SPOCK2: variants seen among roughly 807,000 people sequenced by gnomAD.
SPOCK2 encodes testican-2.
In SPOCK2, 39 loss-of-function variants were observed where a neutral mutation model predicts 60.1. The ratio of observed to expected loss-of-function variants is 0.65; its 90% confidence interval spans 0.50 to 0.85. The LOEUF (loss-of-function observed/expected upper bound fraction) is 0.85. SPOCK2 is among the 40% of genes least tolerant of loss of function. The probability of loss-of-function intolerance (pLI) is 0.00; values close to 1 mark genes in which losing one functional copy is unlikely to be tolerated. For missense variants in SPOCK2, 523 were observed against 567.4 expected, an observed-to-expected ratio of 0.92 and a Z score of 0.80; for synonymous variants, 217 against 231.5, an observed-to-expected ratio of 0.94 and a Z score of 0.57.
In SPOCK2 at chr10:72,072,466, T is replaced by C. The variant is rs191551989; in HGVS notation, c.244+37A>G. The C allele has an allele frequency of 7.4e-6, 12 of 1,613,442 alleles. No homozygotes were observed. In the Admixed American group the frequency reaches 2.0e-4, roughly 27 times the overall value. ...CCCTCTGGTCTCAAGTCTTCACACG[T>C]GTCAGTCACCTTCCCCCGCCGGGAG... is the stretch of plus-strand genomic sequence containing the variant. On this transcript the variant is annotated intron_variant, in intron 3 of 10. Coordinates refer to ENST00000373109, the MANE Select transcript of SPOCK2 (RefSeq NM_001244950.2).
chr10:72,086,922 G>T lies in SPOCK2; in HGVS notation c.189+1218C>A, dbSNP rs562577509. The T allele has an allele frequency of 2.3e-5, 35 of 1,551,572 alleles. No homozygotes were observed. The South Asian group carries it at 4.0e-4, about 18-fold the overall frequency. ...ATTTCCAAGGAACTTGTGGATGCAC[G>T]CAGTTTAAGGAGAAAACGGGAGAGG... On this transcript the variant is annotated intron_variant, in intron 1 of 10. Transcript: ENST00000373109.
intron 1 of SPOCK2, among the ~76,000 whole-genome samples, chr10:72,083,845 A>G (rs964408925): frequency 1.3e-5 from 2 of 152,142 alleles, no homozygotes; most frequent in Non-Finnish European, 2.9e-5. Context: ...CCAAACCCCA[A>G]TTATGAAATC....
intron 7 of SPOCK2, 91 bp from the exon 8 acceptor site, chr10:72,067,211 C>T (rs1840582433): frequency 1.5e-6 from 2 of 1,321,022 alleles, no homozygotes; most frequent in South Asian, 1.4e-5. Context: ...CAGCCCCAGC[C>T]CTCTATTCTG....
intron 1 of SPOCK2, among the ~76,000 whole-genome samples, chr10:72,085,991 A>C (rs1230237519): frequency 6.6e-6 from 1 of 152,184 alleles, no homozygotes; most frequent in Non-Finnish European, 1.5e-5. Context: ...AGTGGCTCTG[A>C]GCTAGCAGCC....
chr10:72,082,123 G>T (rs761385974), intron 1 of SPOCK2, among the ~76,000 whole-genome samples: 1 of 152,242 alleles, frequency 6.6e-6, no homozygotes, highest in Non-Finnish European at 1.5e-5. Context: ...CGCAGTGTAA[G>T]TGATGCTATG....
At chr10:72,078,982 A>G (rs1322949048) in intron 1 of SPOCK2, among the ~76,000 whole-genome samples, 1 of 152,182 alleles carries the variant, frequency 6.6e-6, no homozygotes, top group African/African-American at 2.4e-5. Context: ...CACTCCTAAC[A>G]ATAGCTGACA....
chr10:72,068,229 G>A lies in SPOCK2; in HGVS notation c.547C>T (p.Pro183Ser). ...GTGGAGGTGGCAGCCTGCTCCGTGGGGCAGGGGCAGGGGCCCTCGCATCGC... is the reference window on the plus strand; with the variant it reads ...GTGGAGGTGGCAGCCTGCTCCGTGGAGCAGGGGCAGGGGCCCTCGCATCGC... ...AVRCEGPCPC[P>S]TEQAATSTAD... is the part of the protein sequence containing the mutation. The change falls in exon 6 of 11, where the codon CCC (proline) becomes TCC (serine). Residue 183 changes from proline to serine, a missense_variant. Physicochemically the swap from Pro to Ser is moderately conservative, Grantham distance 74. Coordinates refer to ENST00000373109, the MANE Select transcript of SPOCK2 (RefSeq NM_001244950.2). 2 of 1,611,084 alleles carry A rather than the reference G, an allele frequency of 1.2e-6. No individual in the cohort carries two copies. The highest frequency in any genetic ancestry group is 2.2e-5 in the South Asian group (2 of 90,576).
chr10:72,078,208 C>T (rs1172184902), intron 1 of SPOCK2, among the ~76,000 whole-genome samples: 3 of 152,092 alleles, frequency 2.0e-5, no homozygotes, highest in Admixed American at 2.0e-4. Context: ...AAAACATAAT[C>T]ATAATCATAA....
At chr10:72,074,685 G>A (rs1372935789) in intron 1 of SPOCK2, among the ~76,000 whole-genome samples, 6 of 152,198 alleles carry the variant, frequency 3.9e-5, no homozygotes, top group Non-Finnish European at 7.3e-5. Flanking sequence ...CTTCCGCAGT[G>A]AGAGAAGGAG....
chr10:72,080,065 C>T (rs1355559915), intron 1 of SPOCK2, among the ~76,000 whole-genome samples: 3 of 152,088 alleles, frequency 2.0e-5, no homozygotes, highest in Admixed American at 6.6e-5. Flanking sequence ...GGTTCTCTGG[C>T]ACACACCCGG....
chr10:72,068,992 C>T (rs1391603238), intron 5 of SPOCK2: 1 of 152,570 alleles, frequency 6.6e-6, no homozygotes, highest in Non-Finnish European at 1.5e-5. Flanking sequence ...CAGCAAGGCG[C>T]ACAGAGGCCC....
rs116052079 is a variant in SPOCK2, at chr10:72,084,351, C to T, written c.189+3789G>A. Among the ~76,000 whole-genome samples the T allele has an allele frequency of 6.8e-3, 1,040 of 152,328 alleles. 8 individuals carry two copies. Among genetic ancestry groups the T allele is most frequent in the African/African-American group, 0.023 (969 of 41,566 alleles). ...GCTCAGAGGGTTTAGGTGATGTGCCCGGCATCCTGGGGCCAGTCAGCGGCA... is the reference window on the plus strand; with the variant it reads ...GCTCAGAGGGTTTAGGTGATGTGCCTGGCATCCTGGGGCCAGTCAGCGGCA... On this transcript the variant is annotated intron_variant, in intron 1 of 10. Transcript: ENST00000373109.
rs1840498434 is a variant in SPOCK2 at position 72,062,065 on chromosome 10, C to T, written c.*695G>A. ...CATTCTCCGCCTTGGGTTAGGAGAG[C>T]TTCTCTAGTGTTTGGGGATCCGGCA... On this transcript the variant is annotated 3_prime_UTR_variant, in exon 11 of 11. Coordinates refer to ENST00000373109, the MANE Select transcript of SPOCK2 (RefSeq NM_001244950.2). The surrounding 1 kb of genome is among the most constrained non-coding windows in gnomAD (Gnocchi z 4.3). The T allele has an allele frequency of 6.5e-6, 1 of 152,874 alleles. No homozygotes were observed. Among genetic ancestry groups the T allele is most frequent in the African/African-American group, 2.4e-5 (1 of 41,456 alleles). 9.5% of individuals were successfully genotyped at this position (152,874 alleles called of 1,614,324 possible).
chr10:72,088,621 T>TTA, upstream of SPOCK2: 2 of 181,632 alleles, frequency 1.1e-5, no homozygotes, highest in African/African-American at 2.6e-5. Context: ...ATACCTGGTT[T>TTA]AAAAAAAAAA....
chr10:72,063,698 C>A (rs1015768532), intron 9 of SPOCK2, among the ~76,000 whole-genome samples: 1 of 152,208 alleles, frequency 6.6e-6, no homozygotes, highest in Admixed American at 6.5e-5. Flanking sequence ...TGTGTGTTTC[C>A]GGACTGGCCC....
In SPOCK2 at chr10:72,077,927, C is replaced by T. The variant is rs1289389443; in HGVS notation, c.190-5017G>A. Reference sequence around the variant, plus strand: ...ACTGCAGCGCCTCCTGAGGGTCTCCCTCCTCCCACTGTCTTCCACACGGCT... The same window carrying T: ...ACTGCAGCGCCTCCTGAGGGTCTCCTTCCTCCCACTGTCTTCCACACGGCT... On this transcript the variant is annotated intron_variant, in intron 1 of 10. Coordinates refer to ENST00000373109, the MANE Select transcript of SPOCK2 (RefSeq NM_001244950.2). Among the ~76,000 whole-genome samples the T allele has an allele frequency of 3.3e-5, 5 of 152,222 alleles. No individual in the cohort carries two copies. In the South Asian group the frequency reaches 1.0e-3, roughly 32 times the overall value.
At position 72,060,835 on chromosome 10, in the gene SPOCK2, T is replaced by C. The variant is rs777750069; in HGVS notation, c.*1925A>G. ...TCCCCCAAGAAGGACTCGGAAGATG[T>C]TGATTCCAGGGCAGAGTGAGGGGCA... On this transcript the variant is annotated 3_prime_UTR_variant, in exon 11 of 11. Transcript: ENST00000373109. 9.2e-5 allele frequency: 14 copies of C among 152,346 alleles called. No homozygotes were observed. Among genetic ancestry groups the C allele is most frequent in the Non-Finnish European group, 1.3e-4 (9 of 68,076 alleles). The allele number at this position is 152,346 out of a possible 1,614,324, so 9.4% of individuals were successfully genotyped here.
intron 2 of SPOCK2, 54 bp downstream of exon 2, chr10:72,072,848 G>C (rs761358480): frequency 5.5e-5 from 86 of 1,551,450 alleles, no homozygotes; most frequent in Admixed American, 3.5e-4. Flanking sequence ...CACAGGAGGG[G>C]AGGGGGTGTG....
chr10:72,088,278 G>A lies in SPOCK2; in HGVS notation c.51C>T (p.Ala17=), dbSNP rs763678866. Residue 17 remains alanine, a synonymous_variant, in exon 1 of 11, where the codon GCC becomes GCT. Transcript: ENST00000373109. ...GRLVLPLLLL[A]AAALAEGDAK... ...CGTCGCCTTCGGCCAGGGCTGCCGC[G>A]GCCAGGAGCAGCAGCGGCAGCACCA... 149 of 1,604,008 alleles carry A rather than the reference G, an allele frequency of 9.3e-5. No homozygotes were observed. The highest frequency in any genetic ancestry group is 1.2e-4 in the Non-Finnish European group (141 of 1,176,478).
Sources: allele counts gnomAD v4.1 joint callset (sites outside exome capture counted in the v4.1 genomes callset), GRCh38; gene constraint gnomAD v4.1.1; non-coding constraint Gnocchi (gnomAD v3.1); transcripts MANE v1.5; gene names NCBI Gene and HGNC (gene_info 2026-07-23, HGNC 2026-07-21).